The following UNC13C variants were observed in gnomAD, a reference collection of about 807,000 sequenced individuals.
The protein encoded by UNC13C is unc-13 homolog C.
In UNC13C, 174 loss-of-function variants were observed where a neutral mutation model predicts 245.4. The ratio of observed to expected loss-of-function variants is 0.71; its 90% CI spans 0.63 to 0.80. The LOEUF (loss-of-function observed/expected upper bound fraction) is 0.80. Among genes scored for constraint, UNC13C ranks in the 30% least tolerant of loss-of-function variants. UNC13C has a pLI of 0.00. For missense variants in UNC13C, 2,829 were observed against 2,602.9 expected (o/e 1.09, Z -1.89); for synonymous variants, 992 against 895.1 (o/e 1.11, Z -1.93).
chr15:53,920,209 C>G, the UNC13C span, among the ~76,000 whole-genome samples: 1 of 152,114 alleles, frequency 6.6e-6, no homozygotes, highest in African/African-American at 2.4e-5. Flanking sequence ...TAAGATAACG[C>G]TACAGCATAT....
the UNC13C span, among the ~76,000 whole-genome samples, chr15:53,864,720 C>T: frequency 1.3e-5 from 2 of 152,056 alleles, no homozygotes; most frequent in African/African-American, 4.8e-5. Flanking sequence ...GAAGAAATAC[C>T]CTCTTCCTAG....
At chr15:54,253,037 A>G (rs1343443366) in intron 8 of UNC13C, among the ~76,000 whole-genome samples, 4 of 152,220 alleles carry the variant, frequency 2.6e-5, no homozygotes, top group Admixed American at 1.3e-4. Flanking sequence ...CTAGTTTTCT[A>G]TAGGTTTCTA....
chr15:54,538,912 G>T (rs897184059), intron 26 of UNC13C, among the ~76,000 whole-genome samples: 1 of 151,864 alleles, frequency 6.6e-6, no homozygotes, highest in African/African-American at 2.4e-5. Context: ...TGTTACCTGG[G>T]TGACAAAATA....
At chr15:54,313,158 A>T (rs1326806797) in intron 13 of UNC13C, among the ~76,000 whole-genome samples, 1 of 151,732 alleles carries the variant, frequency 6.6e-6, no homozygotes, top group Non-Finnish European at 1.5e-5. Context: ...AAAAAGTTAA[A>T]ATGCTGCTTT....
chr15:54,230,593 A>G (rs1385746985), intron 4 of UNC13C, among the ~76,000 whole-genome samples: 1 of 152,072 alleles, frequency 6.6e-6, no homozygotes, highest in Non-Finnish European at 1.5e-5. Flanking sequence ...ATAACAAGAC[A>G]ATTAACTGAA....
At chr15:54,116,818 G>T (rs1478518061) in intron 2 of UNC13C, among the ~76,000 whole-genome samples, 2 of 151,994 alleles carry the variant, frequency 1.3e-5, no homozygotes, top group Non-Finnish European at 2.9e-5. Context: ...TGAACCATAT[G>T]GTAGTTTTAA....
intron 17 of UNC13C, among the ~76,000 whole-genome samples, chr15:54,392,550 A>G (rs1423696023): frequency 1.3e-5 from 2 of 152,032 alleles, no homozygotes; most frequent in Non-Finnish European, 2.9e-5. Flanking sequence ...GAGTAACAGT[A>G]CTGACAGGCA....
chr15:54,177,840 T>C (rs2033666194), intron 4 of UNC13C, among the ~76,000 whole-genome samples: 2 of 152,164 alleles, frequency 1.3e-5, no homozygotes, highest in South Asian at 2.1e-4. Flanking sequence ...CCCAATAACA[T>C]GATTTTCTAT....
In UNC13C at chr15:54,435,923, C is replaced by T. The variant is rs59643906; in HGVS notation, c.4933+20856C>T. Among the ~76,000 whole-genome samples the T allele has an allele frequency of 3.7e-3, 556 of 151,272 alleles. 3 individuals carry two copies. The highest frequency in any genetic ancestry group is 0.013 in the African/African-American group (534 of 41,328). The stretch of plus-strand genomic sequence containing the variant: ...AAACAAAAATCAAAAAGTGGGCAAA[C>T]GATATGAACAGACACTTCTCAAAAA... On this transcript the variant is annotated intron_variant, in intron 19 of 32. Coordinates refer to ENST00000260323, the MANE Select transcript of UNC13C (RefSeq NM_001080534.3).
intron 30 of UNC13C, among the ~76,000 whole-genome samples, chr15:54,591,484 C>T (rs921071882): frequency 1.3e-5 from 2 of 152,056 alleles, no homozygotes; most frequent in African/African-American, 4.8e-5. Flanking sequence ...TTAGTCTGTT[C>T]AGGGTATCTA....
intron 10 of UNC13C, among the ~76,000 whole-genome samples, chr15:54,274,695 G>A (rs1396677286): frequency 1.9e-4 from 11 of 59,188 alleles, no homozygotes; most frequent in African/African-American, 5.3e-4. Context: ...TTTTTGAGAC[G>A]GAGTCTCGCT....
At chr15:54,392,943 C>T (rs554914143) in intron 17 of UNC13C, 105 bp from the exon 18 acceptor site, 1 of 1,326,978 alleles carries the variant, frequency 7.5e-7, no homozygotes, top group East Asian at 2.6e-5. Flanking sequence ...ATCTAAGTTT[C>T]ATTTCCACAA....
chr15:54,509,532 A>T (rs16974691), intron 23 of UNC13C, among the ~76,000 whole-genome samples: 47,375 of 151,900 alleles, frequency 0.31, 7,853 homozygotes, highest in African/African-American at 0.41. Flanking sequence ...CCAGATTGAG[A>T]TAAAATTAAA....
chr15:54,493,206 G>A (rs765372116), intron 19 of UNC13C, among the ~76,000 whole-genome samples: 8 of 152,292 alleles, frequency 5.3e-5, no homozygotes, highest in South Asian at 4.1e-4. Flanking sequence ...GAAGAAAGAC[G>A]TTAGGGGAGA....
At chr15:54,364,014 C>T (rs1049848941) in intron 17 of UNC13C, among the ~76,000 whole-genome samples, 5 of 151,952 alleles carry the variant, frequency 3.3e-5, no homozygotes, top group African/African-American at 7.2e-5. Flanking sequence ...TAATTTGGGG[C>T]GAATTACATC....
intron 18 of UNC13C, among the ~76,000 whole-genome samples, chr15:54,409,941 A>G (rs530051637): frequency 6.6e-6 from 1 of 152,320 alleles, no homozygotes; most frequent in Admixed American, 6.5e-5. Context: ...GTTCTTTGAG[A>G]AATCTCCAAA....
chr15:54,628,637 C>CATTT (rs1314882665), downstream of UNC13C: 3 of 152,504 alleles, frequency 2.0e-5, no homozygotes, highest in Non-Finnish European at 4.4e-5. Flanking sequence ...CTTTTTATTT[C>CATTT]ATTTATGCAA....
chr15:54,004,324 G>T (rs1895042096), intron 1 of UNC13C, among the ~76,000 whole-genome samples: 1 of 152,146 alleles, frequency 6.6e-6, no homozygotes, highest in Non-Finnish European at 1.5e-5. Flanking sequence ...CTATATTGTT[G>T]CAAATGACAG....
chr15:54,273,527 A>G (rs1316051183), intron 10 of UNC13C, among the ~76,000 whole-genome samples: 13 of 152,176 alleles, frequency 8.5e-5, no homozygotes, highest in Non-Finnish European at 1.9e-4. Context: ...GGGTTTTTCA[A>G]TAATTAGCTC....
Sources: gnomAD v4.1 joint callset for allele counts (sites outside exome capture counted in the v4.1 genomes callset) on GRCh38, gnomAD v4.1.1 for gene constraint, MANE v1.5 for transcripts, NCBI Gene and HGNC (gene_info 2026-07-23, HGNC 2026-07-21) for gene names.